Variants in FSAF1 observed in about 807,000 individuals in gnomAD.
The protein encoded by FSAF1 is uncharacterized protein C1orf131.
At chr1:231,241,005 C>T in the FSAF1 span, 2 of 1,606,066 alleles carry the variant, frequency 1.2e-6, no homozygotes, top group African/African-American at 1.3e-5. Context: ...CACGTGGGCT[C>T]CTGGGACCCC....
At chr1:231,241,156 C>A in the FSAF1 span, 21 of 1,600,652 alleles carry the variant, frequency 1.3e-5, no homozygotes, top group East Asian at 2.2e-5. Flanking sequence ...CCGCGCTGCA[C>A]CCCCGCTTCC....
chr1:231,239,316 A>C, the FSAF1 span: 9 of 742,854 alleles, frequency 1.2e-5, no homozygotes, highest in African/African-American at 1.8e-5. Context: ...CAAAGAAATA[A>C]ACTATTTGTT....
chr1:231,224,472 C>T, the FSAF1 span: 2 of 1,525,460 alleles, frequency 1.3e-6, no homozygotes, highest in Non-Finnish European at 1.8e-6. Context: ...ACAAGCATCA[C>T]AGTACCACCA....
At chr1:231,237,266 G>C in the FSAF1 span, 2 of 152,216 alleles carry the variant, frequency 1.3e-5, no homozygotes, top group African/African-American at 2.4e-5. Context: ...AAACCATAAA[G>C]ATGTGGCAAA....
chr1:231,239,859 T>C, the FSAF1 span, among the ~76,000 whole-genome samples: 1 of 152,362 alleles, frequency 6.6e-6, no homozygotes, highest in East Asian at 1.9e-4. Flanking sequence ...ATTAAGGATA[T>C]AAAAATGAAT....
At chr1:231,238,994 T>A in the FSAF1 span, 1 of 1,614,010 alleles carries the variant, frequency 6.2e-7, no homozygotes, top group Non-Finnish European at 8.5e-7. Context: ...CCTGTGGGGG[T>A]CCCAGAAGGA....
chr1:231,227,201 C>T, the FSAF1 span: 1 of 915,762 alleles, frequency 1.1e-6, no homozygotes, highest in Non-Finnish European at 1.7e-6. Context: ...ACTCCACTGT[C>T]ATGTGGTCAA....
chr1:231,239,847 G>A, the FSAF1 span, among the ~76,000 whole-genome samples: 3 of 152,084 alleles, frequency 2.0e-5, no homozygotes, highest in African/African-American at 4.8e-5. Flanking sequence ...CTAAACTTTG[G>A]CATTAAGGAT....
chr1:231,224,658 T>C, the FSAF1 span: 19 of 469,426 alleles, frequency 4.0e-5, no homozygotes, highest in Non-Finnish European at 6.0e-5. Flanking sequence ...GCTGCCCCTC[T>C]TCTTTGTTCA....
At chr1:231,225,489 C>A in the FSAF1 span, 1 of 1,613,866 alleles carries the variant, frequency 6.2e-7, no homozygotes, top group Non-Finnish European at 8.5e-7. Flanking sequence ...CTGTCCTTTC[C>A]TCTTCTTTTT....
the FSAF1 span, among the ~76,000 whole-genome samples, chr1:231,228,060 C>T: frequency 2.0e-5 from 3 of 152,206 alleles, no homozygotes; most frequent in Non-Finnish European, 4.4e-5. Flanking sequence ...TCTCCAAACA[C>T]ACCCACTCAC....
At chr1:231,235,163 C>T in the FSAF1 span, among the ~76,000 whole-genome samples, 1 of 152,154 alleles carries the variant, frequency 6.6e-6, no homozygotes. Context: ...ATATGTGATC[C>T]CATACTATTT....
At chr1:231,227,713 C>T in the FSAF1 span, among the ~76,000 whole-genome samples, 1 of 151,732 alleles carries the variant, frequency 6.6e-6, no homozygotes. Context: ...CTCAGCCTCC[C>T]GAGTAGCTGG....
At chr1:231,233,049 T>C in the FSAF1 span, among the ~76,000 whole-genome samples, 1 of 152,162 alleles carries the variant, frequency 6.6e-6, no homozygotes, top group African/African-American at 2.4e-5. Flanking sequence ...AAGTCTGGCG[T>C]AAAAGTAAGA....
At chr1:231,229,216 G>A in the FSAF1 span, 1 of 1,556,744 alleles carries the variant, frequency 6.4e-7, no homozygotes, top group Non-Finnish European at 8.8e-7. Flanking sequence ...CCTGCTGAGA[G>A]AAAAAATTCT....
chr1:231,232,045 G>T, the FSAF1 span, among the ~76,000 whole-genome samples: 1 of 151,224 alleles, frequency 6.6e-6, no homozygotes, highest in African/African-American at 2.4e-5. Flanking sequence ...AAACTTTTGG[G>T]AAAAAAAAAT....
the FSAF1 span, among the ~76,000 whole-genome samples, chr1:231,232,300 T>G: frequency 6.6e-6 from 1 of 152,176 alleles, no homozygotes; most frequent in South Asian, 2.1e-4. Flanking sequence ...CGACTCACGC[T>G]TCCCCGTCTA....
At chr1:231,239,931 T>C in the FSAF1 span, among the ~76,000 whole-genome samples, 1 of 152,254 alleles carries the variant, frequency 6.6e-6, no homozygotes. Flanking sequence ...ACATGAACTA[T>C]ATTATTTTGC....
chr1:231,238,992 G>C, the FSAF1 span: 1 of 1,613,982 alleles, frequency 6.2e-7, no homozygotes, highest in Non-Finnish European at 8.5e-7. Flanking sequence ...GTCCTGTGGG[G>C]GTCCCAGAAG....
Sources: gnomAD v4.1 joint callset for allele counts (sites outside exome capture counted in the v4.1 genomes callset) on GRCh38, gnomAD v4.1.1 for gene constraint, MANE v1.5 for transcripts, NCBI Gene and HGNC (gene_info 2026-07-23, HGNC 2026-07-21) for gene names.